Variants in VAV3 observed in about 807,000 individuals in gnomAD.
The protein encoded by VAV3 is guanine nucleotide exchange factor VAV3.
A neutral mutation model predicts 131.2 loss-of-function variants in VAV3; 94 were observed. The ratio of observed to expected loss-of-function variants is 0.72; its 90% CI spans 0.61 to 0.85. VAV3 has a LOEUF of 0.85. Ranked by LOEUF, VAV3 falls within the 40% of genes least tolerant of loss-of-function variation. The probability of loss-of-function intolerance (pLI) is 0.00; values close to 1 mark genes in which losing one functional copy is unlikely to be tolerated. For synonymous variants in VAV3, 349 were observed against 342.0 expected, an observed-to-expected ratio of 1.02 and a Z score of -0.22; for missense variants, 939 against 1,002.7, an observed-to-expected ratio of 0.94 and a Z score of 0.86.
chr1:107,743,715 A>G (rs1468546263), intron 15 of VAV3, among the ~76,000 whole-genome samples: 1 of 152,164 alleles, frequency 6.6e-6, no homozygotes, highest in Admixed American at 6.5e-5. Flanking sequence ...TTAGATTAAA[A>G]CAAATTATGT....
intron 15 of VAV3, among the ~76,000 whole-genome samples, chr1:107,746,470 C>A (rs1275265161): frequency 6.6e-6 from 1 of 152,188 alleles, no homozygotes; most frequent in Non-Finnish European, 1.5e-5. Context: ...AACCCAGGTT[C>A]TGTGCATGTG....
chr1:107,572,385 T>G lies in VAV3; in HGVS notation c.*946A>C, dbSNP rs1481254697. On this transcript the variant is annotated 3_prime_UTR_variant, in exon 27 of 27. Transcript: ENST00000370056. ...AAAAAAATCATGTCCCAGGTCATCT[T>G]TGTGTGTGTGCGGGGGAGGTGGATG... The G allele has an allele frequency of 1.3e-5, 2 of 152,246 alleles. No individual in the cohort carries two copies. The highest frequency in any genetic ancestry group is 4.8e-5 in the African/African-American group (2 of 41,426). The allele number at this position is 152,246 out of a possible 1,614,324, so 9.4% of individuals were successfully genotyped here.
intron 1 of VAV3, among the ~76,000 whole-genome samples, chr1:107,908,599 T>C (rs1303958807): frequency 6.6e-6 from 1 of 152,170 alleles, no homozygotes; most frequent in Non-Finnish European, 1.5e-5. Context: ...TTTGAGATTT[T>C]TAGTTCACTC....
chr1:107,943,137 T>G (rs1674079356), intron 1 of VAV3, among the ~76,000 whole-genome samples: 1 of 152,218 alleles, frequency 6.6e-6, no homozygotes, highest in South Asian at 2.1e-4. Flanking sequence ...GATCTCCTAC[T>G]CTTAGAGTCT....
At chr1:107,800,427 G>A (rs1666773126) in intron 2 of VAV3, among the ~76,000 whole-genome samples, 1 of 151,956 alleles carries the variant, frequency 6.6e-6, no homozygotes, top group Non-Finnish European at 1.5e-5. Flanking sequence ...GTTTTAATTT[G>A]CTTTTCTGTG....
chr1:107,626,372 T>G (rs1197653234), intron 20 of VAV3, among the ~76,000 whole-genome samples: 1 of 152,222 alleles, frequency 6.6e-6, no homozygotes, highest in African/African-American at 2.4e-5. Context: ...CTTGTTCTAG[T>G]GCAGTCACAT....
intron 1 of VAV3, among the ~76,000 whole-genome samples, chr1:107,946,548 C>T (rs906129481): frequency 1.3e-5 from 2 of 152,044 alleles, no homozygotes; most frequent in Admixed American, 6.6e-5. Flanking sequence ...CTAGAAATTT[C>T]GCATTGGAAA....
intron 19 of VAV3, among the ~76,000 whole-genome samples, chr1:107,670,904 G>A (rs1442019043): frequency 6.6e-6 from 1 of 152,176 alleles, no homozygotes; most frequent in Non-Finnish European, 1.5e-5. Flanking sequence ...GAGGTTCCAA[G>A]AAGGTGTTGC....
intron 2 of VAV3, among the ~76,000 whole-genome samples, chr1:107,796,233 C>T (rs992069412): frequency 9.2e-5 from 14 of 152,026 alleles, no homozygotes; most frequent in African/African-American, 3.1e-4. Context: ...GAGACAGTGG[C>T]CAGGTCACAT....
chr1:107,844,822 A>C (rs2100934084), intron 2 of VAV3, among the ~76,000 whole-genome samples: 1 of 152,296 alleles, frequency 6.6e-6, no homozygotes, highest in Non-Finnish European at 1.5e-5. Flanking sequence ...CTTATAGATA[A>C]AACTCCCATC....
At chr1:107,880,810 AAAAG>A (rs1203982466) in intron 1 of VAV3, among the ~76,000 whole-genome samples, 1 of 54,776 alleles carries the variant, frequency 1.8e-5, no homozygotes, top group Admixed American at 1.7e-4. Flanking sequence ...AAAAAAAAAG[AAAAG>A]AAAAAAAGCA....
intron 24 of VAV3, among the ~76,000 whole-genome samples, chr1:107,600,230 G>GA (rs1651737244): frequency 6.6e-6 from 1 of 152,148 alleles, no homozygotes; most frequent in Non-Finnish European, 1.5e-5. Context: ...CAAATGAACA[G>GA]AAACAAAATG....
chr1:107,797,155 A>G (rs538888806), intron 2 of VAV3, among the ~76,000 whole-genome samples: 1 of 152,298 alleles, frequency 6.6e-6, no homozygotes, highest in Non-Finnish European at 1.5e-5. Context: ...AATTATGTCA[A>G]TTTTATATAG....
intron 1 of VAV3, among the ~76,000 whole-genome samples, chr1:107,947,571 A>T (rs564180002): frequency 1.3e-5 from 2 of 152,282 alleles, no homozygotes; most frequent in Admixed American, 1.3e-4. Flanking sequence ...TGCAGTAGGA[A>T]TTATCCCCAC....
intron 1 of VAV3, among the ~76,000 whole-genome samples, chr1:107,937,516 T>C (rs969661198): frequency 2.0e-5 from 3 of 152,190 alleles, no homozygotes; most frequent in African/African-American, 4.8e-5. Flanking sequence ...CCTCTACTAT[T>C]TGAGATAAGT....
intron 1 of VAV3, among the ~76,000 whole-genome samples, chr1:107,903,065 C>G (rs542111852): frequency 1.1e-4 from 16 of 152,134 alleles, no homozygotes; most frequent in South Asian, 4.2e-4. Context: ...GTATCTCCAG[C>G]CTTCTCAACA....
At chr1:107,864,276 G>A (rs1669878380) in intron 2 of VAV3, among the ~76,000 whole-genome samples, 1 of 152,174 alleles carries the variant, frequency 6.6e-6, no homozygotes, top group Non-Finnish European at 1.5e-5. Context: ...AAAGAGGTAG[G>A]ATAGAATCTA....
intron 15 of VAV3, among the ~76,000 whole-genome samples, chr1:107,708,276 T>G (rs1037835876): frequency 6.6e-6 from 1 of 152,184 alleles, no homozygotes; most frequent in African/African-American, 2.4e-5. Context: ...GGACCAATCA[T>G]GGGGTTGGGT....
chr1:107,854,778 G>A (rs1348236433), intron 2 of VAV3, among the ~76,000 whole-genome samples: 1 of 152,154 alleles, frequency 6.6e-6, no homozygotes, highest in East Asian at 1.9e-4. Context: ...TCAGGTATGT[G>A]AAGGTGAAAA....
Sources: allele counts gnomAD v4.1 joint callset (sites outside exome capture counted in the v4.1 genomes callset), GRCh38; gene constraint gnomAD v4.1.1; transcripts MANE v1.5; gene names NCBI Gene and HGNC (gene_info 2026-07-23, HGNC 2026-07-21).